CTXND2: variants seen among roughly 807,000 people sequenced by gnomAD.
CTXND2 encodes cortexin domain containing 2.
chr1:150,891,424 A>C (rs1351575598), intron 1 of CTXND2, among the ~76,000 whole-genome samples: 1 of 152,206 alleles, frequency 6.6e-6, no homozygotes, highest in Non-Finnish European at 1.5e-5. Flanking sequence ...TGTGTTAGCC[A>C]GGATGGTCTC....
chr1:150,899,658 C>G (rs1047885068), intron 1 of CTXND2, among the ~76,000 whole-genome samples: 33 of 151,978 alleles, frequency 2.2e-4, no homozygotes, highest in African/African-American at 7.0e-4. Context: ...ATATGCACCA[C>G]AAACAAAAAC....
intron 1 of CTXND2, among the ~76,000 whole-genome samples, chr1:150,897,727 T>C (rs1414904634): frequency 6.6e-6 from 1 of 152,228 alleles, no homozygotes; most frequent in Non-Finnish European, 1.5e-5. Context: ...AAGGACAAGA[T>C]ACATAAACAA....
intron 1 of CTXND2, among the ~76,000 whole-genome samples, chr1:150,911,827 GA>G (rs1280428086): frequency 2.0e-5 from 3 of 152,116 alleles, no homozygotes; most frequent in Non-Finnish European, 4.4e-5. Context: ...GTAGTGATCA[GA>G]AAAAATAAAA....
rs1571598122 is a variant in CTXND2 at position 150,894,948 on chromosome 1, T to C, written c.-74+7635T>C. ...TACTCAGGAGGCTGACACAGGAGAA[T>C]TGCTTGAACCAGGAGGAGGTTGTAG... On this transcript the variant is annotated intron_variant, in intron 1 of 1. Coordinates refer to ENST00000636087, the Ensembl canonical transcript of CTXND2. Among the ~76,000 whole-genome samples, 3 of 151,868 alleles carry C rather than the reference T, an allele frequency of 2.0e-5. No homozygotes were observed. In the South Asian group the frequency reaches 6.2e-4, roughly 31 times the overall value.
chr1:150,906,379 A>G (rs1433257990), intron 1 of CTXND2, among the ~76,000 whole-genome samples: 1 of 152,178 alleles, frequency 6.6e-6, no homozygotes, highest in Non-Finnish European at 1.5e-5. Flanking sequence ...TGGGATGTAC[A>G]AAATTTGTGA....
At chr1:150,895,705 G>C (rs56768575) in intron 1 of CTXND2, among the ~76,000 whole-genome samples, 1 of 152,206 alleles carries the variant, frequency 6.6e-6, no homozygotes, top group Non-Finnish European at 1.5e-5. Context: ...CGGAGGCCTA[G>C]AGAAATCAAA....
chr1:150,895,010 G>A (rs2102595282), intron 1 of CTXND2, among the ~76,000 whole-genome samples: 1 of 151,904 alleles, frequency 6.6e-6, no homozygotes, highest in East Asian at 1.9e-4. Context: ...CAGCCTGGGT[G>A]ACACAGTGAG....
chr1:150,909,638 C>G (rs587694296), intron 1 of CTXND2, among the ~76,000 whole-genome samples: 2 of 152,218 alleles, frequency 1.3e-5, no homozygotes, highest in East Asian at 3.9e-4. Flanking sequence ...ATCTAAGAAT[C>G]CTTACATTTA....
At chr1:150,909,755 A>G (rs1408358579) in intron 1 of CTXND2, among the ~76,000 whole-genome samples, 1 of 152,194 alleles carries the variant, frequency 6.6e-6, no homozygotes, top group Non-Finnish European at 1.5e-5. Context: ...AAAGATGAGC[A>G]ATACCTGCCC....
intron 1 of CTXND2, among the ~76,000 whole-genome samples, chr1:150,900,165 C>A: frequency 6.6e-6 from 1 of 152,262 alleles, no homozygotes; most frequent in Admixed American, 6.5e-5. Context: ...GCTGCTCAGT[C>A]TTTGGGTCTG....
At chr1:150,887,808 A>G (rs587728140) in intron 1 of CTXND2, among the ~76,000 whole-genome samples, 1 of 152,222 alleles carries the variant, frequency 6.6e-6, no homozygotes, top group South Asian at 2.1e-4. Context: ...CTTCTTCAAG[A>G]ATGGCAGGTC....
chr1:150,905,887 G>A (rs372180357), intron 1 of CTXND2, among the ~76,000 whole-genome samples: 11 of 152,002 alleles, frequency 7.2e-5, no homozygotes, highest in African/African-American at 2.4e-4. Context: ...CTGCTCGGGA[G>A]GCTGAGGCAG....
chr1:150,905,922 G>A (rs1049102227), intron 1 of CTXND2, among the ~76,000 whole-genome samples: 3 of 151,084 alleles, frequency 2.0e-5, no homozygotes, highest in Non-Finnish European at 3.0e-5. Context: ...CCCGGGAGGC[G>A]GAGCTTGCAG....
chr1:150,903,245 C>A (rs1004400156), intron 1 of CTXND2, among the ~76,000 whole-genome samples: 10 of 151,660 alleles, frequency 6.6e-5, no homozygotes, highest in African/African-American at 2.4e-4. Context: ...AGTGATGGGG[C>A]TTTTTCTTCT....
chr1:150,891,824 A>G (rs1272521452), intron 1 of CTXND2, among the ~76,000 whole-genome samples: 2 of 152,008 alleles, frequency 1.3e-5, no homozygotes, highest in Non-Finnish European at 2.9e-5. Context: ...TTAGCCCTCA[A>G]TTCAATTCAT....
chr1:150,903,503 A>G (rs1669079348), intron 1 of CTXND2, among the ~76,000 whole-genome samples: 1 of 152,074 alleles, frequency 6.6e-6, no homozygotes, highest in Non-Finnish European at 1.5e-5. Context: ...AATTAAAAAT[A>G]AAAATCACCC....
intron 1 of CTXND2, among the ~76,000 whole-genome samples, chr1:150,901,197 C>T (rs980183279): frequency 8.4e-6 from 1 of 119,442 alleles, no homozygotes; most frequent in African/African-American, 2.7e-5. Flanking sequence ...AAAAGCAATG[C>T]AAAATGTATT....
chr1:150,894,343 T>G (rs767707519), intron 1 of CTXND2, among the ~76,000 whole-genome samples: 9 of 152,166 alleles, frequency 5.9e-5, no homozygotes, highest in Non-Finnish European at 1.2e-4. Context: ...AAATATGAAT[T>G]TGCTAATTAT....
chr1:150,907,555 T>A (rs1242452558), intron 1 of CTXND2, among the ~76,000 whole-genome samples: 1 of 152,230 alleles, frequency 6.6e-6, no homozygotes, highest in African/African-American at 2.4e-5. Context: ...TATCCATTTA[T>A]AAGTTGATGG....
Sources: gnomAD v4.1 joint callset for allele counts (sites outside exome capture counted in the v4.1 genomes callset) on GRCh38, gnomAD v4.1.1 for gene constraint, MANE v1.5 for transcripts, NCBI Gene and HGNC (gene_info 2026-07-23, HGNC 2026-07-21) for gene names.